COL12A1: variants seen among roughly 807,000 people sequenced by gnomAD.
COL12A1 encodes the protein collagen alpha-1(XII) chain.
A neutral mutation model predicts 349.7 loss-of-function variants in COL12A1; 114 were observed. The observed-to-expected ratio is 0.33, with a 90% CI of 0.28 to 0.38. The LOEUF (loss-of-function observed/expected upper bound fraction) is 0.38, where lower values mean the gene tolerates loss of function less well. Ranked by LOEUF, COL12A1 falls within the 10% of genes least tolerant of loss-of-function variation. COL12A1 has a pLI of 1.00. For synonymous variants in COL12A1, 1,369 were observed against 1,329.0 expected (o/e 1.03, Z -0.66); for missense variants, 3,284 against 3,756.9 (o/e 0.87, Z 3.29).
At position 75,175,104 on chromosome 6, in the gene COL12A1, A is replaced by C. The variant is rs1277353575; in HGVS notation, c.2644T>G (p.Ser882Ala). 6.2e-6 allele frequency: 10 copies of C among 1,614,186 alleles called. No homozygotes were observed. Among genetic ancestry groups the C allele is most frequent in the African/African-American group, 1.3e-5 (1 of 75,042 alleles). ...GLKEGTQYAL[S>A]VTALYASGAG... The stretch of plus-strand genomic sequence containing the variant: ...CCAGACGCATACAAGGCTGTCACAG[A>C]TAAGGCGTATTGTGTCCCTTCCTTC... The change falls in exon 13 of 66, where the codon TCT becomes GCT. Residue 882 changes from serine (S) to alanine (A), a missense_variant. Physicochemically the swap from Ser to Ala is moderately conservative, Grantham distance 99. This residue lies in a region of COL12A1 where 2,601 missense variants were observed against 2,824.8 expected (regional missense o/e 0.92). Coordinates refer to ENST00000322507, the MANE Select transcript of COL12A1 (RefSeq NM_004370.6).
intron 3 of COL12A1, 63 bp from the exon 4 acceptor site, chr6:75,192,418 A>G (rs1331136775): frequency 7.1e-7 from 1 of 1,410,516 alleles, no homozygotes; most frequent in Non-Finnish European, 9.8e-7. Context: ...AACACAATAC[A>G]TTGTAATTCC....
chr6:75,112,233 G>A (rs1024244486), intron 51 of COL12A1, among the ~76,000 whole-genome samples: 1 of 151,784 alleles, frequency 6.6e-6, no homozygotes, highest in African/African-American at 2.4e-5. Flanking sequence ...GTGAAAGGAA[G>A]GAGAGGATCA....
chr6:75,100,279 G>C (rs1768247531), intron 58 of COL12A1, among the ~76,000 whole-genome samples: 1 of 152,164 alleles, frequency 6.6e-6, no homozygotes, highest in Non-Finnish European at 1.5e-5. Context: ...CTGCTGGGAA[G>C]TGTGCTAGGG....
intron 23 of COL12A1, 176 bp from the exon 24 acceptor site, chr6:75,146,420 C>T: frequency 1.8e-6 from 1 of 555,796 alleles, no homozygotes; most frequent in South Asian, 5.3e-5. Context: ...ATTTACATTG[C>T]TCATTGCACT....
At chr6:75,093,568 G>A (rs947830295) in intron 60 of COL12A1, among the ~76,000 whole-genome samples, 2 of 152,054 alleles carry the variant, frequency 1.3e-5, no homozygotes, top group Admixed American at 1.3e-4. Flanking sequence ...GGAAGTGCTG[G>A]GGTCTAAATA....
chr6:75,093,888 C>G (rs1478627587), intron 60 of COL12A1, among the ~76,000 whole-genome samples: 2 of 152,052 alleles, frequency 1.3e-5, no homozygotes, highest in South Asian at 4.1e-4. Flanking sequence ...GAGTAATATT[C>G]TTATATAAGA....
chr6:75,116,170 T>C (rs1769067607), intron 47 of COL12A1, 113 bp from the exon 48 acceptor site: 1 of 976,992 alleles, frequency 1.0e-6, no homozygotes, highest in Non-Finnish European at 1.6e-6. Flanking sequence ...TGTTCATTTA[T>C]TAAAATAACT....
intron 27 of COL12A1, among the ~76,000 whole-genome samples, chr6:75,140,771 G>T (rs115441665): frequency 1.6e-3 from 240 of 152,032 alleles, no homozygotes; most frequent in African/African-American, 5.6e-3. Flanking sequence ...GGAATTTTCT[G>T]GAAAGGAGGA....
intron 14 of COL12A1, among the ~76,000 whole-genome samples, chr6:75,161,310 C>T (rs1768014801): frequency 6.6e-6 from 1 of 152,102 alleles, no homozygotes; most frequent in Admixed American, 6.6e-5. Flanking sequence ...CTCTGCATTA[C>T]TTATAATACA....
At chr6:75,195,068 A>G (rs1157148114) in intron 2 of COL12A1, 121 bp from the exon 3 acceptor site, 2 of 570,340 alleles carry the variant, frequency 3.5e-6, no homozygotes, top group Non-Finnish European at 6.0e-6. Flanking sequence ...TTTGTTTCCA[A>G]CAAATATAAA....
rs768863979 is a variant in COL12A1, at chr6:75,148,545, G to T, written c.4148-48C>A. The T allele has an allele frequency of 4.0e-6, 6 of 1,511,968 alleles. No homozygotes were observed. In the African/African-American group the frequency reaches 6.9e-5, roughly 17 times the overall value. 93.7% of individuals were successfully genotyped at this position (1,511,968 alleles called of 1,614,324 possible). A position where few individuals can be genotyped will look rare whatever the true frequency, so the allele number is the denominator to read the frequency against. ...TACACTTTTCTCATTATTGTAGAAA[G>T]GTGACAATATTTGAAATGACATTGA... On this transcript the variant is annotated intron_variant, in intron 21 of 65. Coordinates refer to ENST00000322507, the MANE Select transcript of COL12A1 (RefSeq NM_004370.6).
Position 75,183,098 on chromosome 6 carries a change from A to C in COL12A1, c.1843T>G (p.Ser615Ala). The change falls in exon 10 of 66, where the codon TCT (serine) becomes GCT (alanine). Residue 615 changes from serine to alanine, a missense_variant. Around this residue, in one of 2 missense-constraint regions of COL12A1, gnomAD observed 2,601 missense variants for 2,824.8 expected, o/e 0.92. Transcript: ENST00000322507. Reference protein sequence around the residue: ...FQRISFELTQSICLRIEQELA... With the variant: ...FQRISFELTQAICLRIEQELA... ...TCTTGCTCAATTCTAAGGCAGATAG[A>C]CTGTGTGAGTTCAAAAGATATCCTC... The C allele has an allele frequency of 1.2e-6, 2 of 1,614,136 alleles. No individual in the cohort carries two copies. Among genetic ancestry groups the C allele is most frequent in the Non-Finnish European group, 1.7e-6 (2 of 1,180,018 alleles).
chr6:75,145,503 T>C, intron 24 of COL12A1, 48 bp from the exon 25 acceptor site: 1 of 1,586,784 alleles, frequency 6.3e-7, no homozygotes, highest in Non-Finnish European at 8.6e-7. Context: ...AATCAAACTT[T>C]TCCATTTACC....
In COL12A1 at chr6:75,205,803, A is replaced by G. The variant is rs1582238636; in HGVS notation, c.-62T>C. On this transcript the variant is annotated 5_prime_UTR_variant, in exon 1 of 66. Coordinates refer to ENST00000322507, the MANE Select transcript of COL12A1 (RefSeq NM_004370.6). ...TGAGGCGGCGGCAACAGGGAGAGGT[A>G]GCGGCGGCGACAGCGGCTTCCCGGC... is the stretch of plus-strand genomic sequence containing the variant. 2 of 157,390 alleles carry G rather than the reference A, an allele frequency of 1.3e-5. No homozygotes were observed. The highest frequency in any genetic ancestry group is 2.8e-5 in the Non-Finnish European group (2 of 72,216). The allele number at this position is 157,390 out of a possible 1,614,324, so 9.7% of individuals were successfully genotyped here. A position where few individuals can be genotyped will look rare whatever the true frequency, so the allele number is the denominator to read the frequency against.
In COL12A1 at chr6:75,130,103, T is replaced by C. The variant is rs34619869; in HGVS notation, c.6198A>G (p.Pro2066=). The change falls in exon 37 of 66, where the codon CCA becomes CCG. Residue 2066 remains proline, a synonymous_variant. Coordinates refer to ENST00000322507, the MANE Select transcript of COL12A1 (RefSeq NM_004370.6). ...RIIYSPTVGD[P]IDEYTTVPGR... ...GTATCAGACTTACATATTCATCAAT[T>C]GGATCACCAACAGTGGGAGAATAGA... The C allele has an allele frequency of 6.2e-7, 1 of 1,613,382 alleles. No homozygotes were observed.
chr6:75,110,410 A>C (rs1768777810), intron 51 of COL12A1, among the ~76,000 whole-genome samples: 1 of 152,094 alleles, frequency 6.6e-6, no homozygotes, highest in Non-Finnish European at 1.5e-5. Context: ...TAAGGTATTC[A>C]GTGTGTTTTA....
intron 10 of COL12A1, among the ~76,000 whole-genome samples, chr6:75,181,610 TG>T (rs1190441051): frequency 4.6e-5 from 7 of 152,194 alleles, no homozygotes; most frequent in African/African-American, 1.7e-4. Context: ...TAACCTTTGG[TG>T]GTTTGCAGAC....
At chr6:75,121,925 T>C (rs1278577091) in intron 43 of COL12A1, among the ~76,000 whole-genome samples, 1 of 151,346 alleles carries the variant, frequency 6.6e-6, no homozygotes, top group East Asian at 1.9e-4. Flanking sequence ...GGTGTGATGA[T>C]CTTGGCTCAC....
intron 23 of COL12A1, 28 bp from the exon 24 acceptor site, chr6:75,146,272 G>T (rs758016339): frequency 2.1e-5 from 32 of 1,557,350 alleles, no homozygotes; most frequent in Non-Finnish European, 2.8e-5. Flanking sequence ...CAGACCATCA[G>T]TCTAGTTCCT....
Sources: allele counts gnomAD v4.1 joint callset (sites outside exome capture counted in the v4.1 genomes callset), GRCh38; gene constraint gnomAD v4.1.1; regional missense constraint gnomAD v4.1.1; transcripts MANE v1.5; gene names NCBI Gene and HGNC (gene_info 2026-07-23, HGNC 2026-07-21).